Variants in CAST observed in about 807,000 individuals in gnomAD.
CAST encodes calpastatin.
In CAST, 76 loss-of-function variants were observed where a neutral mutation model predicts 119.6. The ratio of observed to expected loss-of-function variants is 0.64; its 90% CI spans 0.53 to 0.77. The LOEUF (loss-of-function observed/expected upper bound fraction) is 0.77, where lower values mean the gene tolerates loss of function less well. Among genes scored for constraint, CAST ranks in the 30% least tolerant of loss-of-function variants. The pLI, the probability that CAST is intolerant of heterozygous loss-of-function variation, is 0.00. For synonymous variants in CAST, 319 were observed against 331.6 expected (o/e 0.96, Z 0.41); for missense variants, 953 against 946.5 (o/e 1.01, Z -0.09).
At chr5:96,718,454 C>T (rs1297112282) in intron 3 of CAST, among the ~76,000 whole-genome samples, 1 of 151,938 alleles carries the variant, frequency 6.6e-6, no homozygotes, top group Admixed American at 6.6e-5. Flanking sequence ...TGCTTATCAC[C>T]TGGGCGATGA....
the CAST span, among the ~76,000 whole-genome samples, chr5:96,233,404 A>T: frequency 6.6e-6 from 1 of 152,116 alleles, no homozygotes; most frequent in Non-Finnish European, 1.5e-5. Context: ...AGTAATATTA[A>T]CATGTTAGGT....
chr5:96,526,654 C>T (rs1745601026), upstream of CAST, among the ~76,000 whole-genome samples: 1 of 152,192 alleles, frequency 6.6e-6, no homozygotes, highest in Non-Finnish European at 1.5e-5. Context: ...ACATAACTTG[C>T]TGCCCTATTG....
the CAST span, among the ~76,000 whole-genome samples, chr5:96,236,357 G>T: frequency 6.6e-6 from 1 of 152,070 alleles, no homozygotes; most frequent in Non-Finnish European, 1.5e-5. Flanking sequence ...CCCTGACCTG[G>T]TCCCCCGTGA....
At chr5:96,124,388 C>T in the CAST span, among the ~76,000 whole-genome samples, 9 of 152,222 alleles carry the variant, frequency 5.9e-5, no homozygotes, top group South Asian at 8.3e-4. Context: ...CCCTCAGAAA[C>T]TTTTATTAAG....
the CAST span, among the ~76,000 whole-genome samples, chr5:96,165,370 G>A: frequency 2.0e-5 from 3 of 152,096 alleles, no homozygotes; most frequent in African/African-American, 7.2e-5. Context: ...AAAAGTCCAT[G>A]TGGAAAAGTA....
intron 1 of CAST, among the ~76,000 whole-genome samples, chr5:96,610,967 C>G (rs1430186062): frequency 6.6e-6 from 1 of 151,940 alleles, no homozygotes; most frequent in Non-Finnish European, 1.5e-5. Flanking sequence ...TGCGTCTAAC[C>G]GTGGAGGGGA....
chr5:95,992,747 G>GATA, the CAST span, among the ~76,000 whole-genome samples: 27 of 152,260 alleles, frequency 1.8e-4, no homozygotes, highest in Non-Finnish European at 2.9e-5. Context: ...AGTAATGTAA[G>GATA]ATAATAATAT....
the CAST span, chr5:96,429,181 T>C: frequency 9.5e-7 from 1 of 1,047,188 alleles, no homozygotes; most frequent in Non-Finnish European, 1.5e-6. Context: ...TAAGCTAGAG[T>C]ATTGGTTTGA....
the CAST span, among the ~76,000 whole-genome samples, chr5:96,107,722 G>C: frequency 6.6e-6 from 1 of 152,160 alleles, no homozygotes; most frequent in Non-Finnish European, 1.5e-5. Flanking sequence ...TCTTCTCAAG[G>C]AGTATCTTTG....
At chr5:96,182,352 G>A in the CAST span, among the ~76,000 whole-genome samples, 1 of 152,202 alleles carries the variant, frequency 6.6e-6, no homozygotes, top group Admixed American at 6.5e-5. Flanking sequence ...TGGGCCTGGA[G>A]TAAGGCATGA....
At chr5:95,995,568 G>A in the CAST span, among the ~76,000 whole-genome samples, 1 of 151,978 alleles carries the variant, frequency 6.6e-6, no homozygotes, top group Non-Finnish European at 1.5e-5. Context: ...TGGCATACTC[G>A]ATATTGGATT....
At chr5:96,620,727 A>G (rs1747587267) in intron 1 of CAST, among the ~76,000 whole-genome samples, 1 of 152,262 alleles carries the variant, frequency 6.6e-6, no homozygotes, top group Non-Finnish European at 1.5e-5. Context: ...ACAGTGAACA[A>G]GAGAGCTACT....
chr5:96,128,539 TG>T, the CAST span, among the ~76,000 whole-genome samples: 1 of 152,064 alleles, frequency 6.6e-6, no homozygotes, highest in African/African-American at 2.4e-5. Flanking sequence ...AATTTAACCT[TG>T]CTTTTTAAAA....
chr5:96,323,849 C>T, the CAST span, among the ~76,000 whole-genome samples: 5,751 of 152,306 alleles, frequency 0.038, 400 homozygotes, highest in African/African-American at 0.13. Flanking sequence ...CACAGCTCAT[C>T]TCTGGCAGAG....
In CAST at chr5:96,618,533, G is replaced by A. The variant is rs187249458; in HGVS notation, c.61-57006G>A. 2.3e-4 allele frequency among the ~76,000 whole-genome samples: 35 copies of A among 152,348 alleles called. No homozygotes were observed. In the South Asian group the frequency reaches 3.9e-3, roughly 17 times the overall value. On this transcript the variant is annotated intron_variant, in intron 1 of 11. Coordinates refer to the CAST transcript ENST00000505143. ...GGAGGGAGACGCACGGGTGGGAACC[G>A]GGGCTGCGCATGGCGCTCGCGAGCT...
the CAST span, among the ~76,000 whole-genome samples, chr5:96,368,227 C>T: frequency 1.5e-4 from 23 of 151,884 alleles, no homozygotes; most frequent in South Asian, 1.5e-3. Context: ...TGGCTGGGCA[C>T]GATAGCTCAC....
the CAST span, among the ~76,000 whole-genome samples, chr5:96,241,653 T>G: frequency 3.5e-5 from 5 of 142,444 alleles, no homozygotes; most frequent in East Asian, 2.1e-4. Context: ...ACTTCCACAA[T>G]GGTTGAACTA....
At chr5:96,301,862 C>A in the CAST span, among the ~76,000 whole-genome samples, 1 of 152,172 alleles carries the variant, frequency 6.6e-6, no homozygotes, top group African/African-American at 2.4e-5. Context: ...ATGGTGCAAG[C>A]TGTTGGTGGA....
chr5:96,751,798 A>C (rs1765122246), intron 20 of CAST, among the ~76,000 whole-genome samples: 1 of 152,198 alleles, frequency 6.6e-6, no homozygotes, highest in African/African-American at 2.4e-5. Flanking sequence ...CGGGCTTTAG[A>C]GGGCTCAATT....
Sources: allele counts gnomAD v4.1 joint callset (sites outside exome capture counted in the v4.1 genomes callset), GRCh38; gene constraint gnomAD v4.1.1; transcripts MANE v1.5; gene names NCBI Gene and HGNC (gene_info 2026-07-23, HGNC 2026-07-21).